Variants in VRTN observed in about 807,000 individuals in gnomAD.
VRTN encodes vertnin.
A neutral mutation model predicts 18.2 loss-of-function variants in VRTN; 5 were observed. The observed-to-expected ratio is 0.27, with a 90% confidence interval of 0.14 to 0.58. The LOEUF (loss-of-function observed/expected upper bound fraction) is 0.58, where lower values mean the gene tolerates loss of function less well. Ranked by LOEUF, VRTN falls within the 20% of genes least tolerant of loss-of-function variation. The probability of loss-of-function intolerance (pLI) is 0.91; values close to 1 mark genes in which losing one functional copy is unlikely to be tolerated. For missense variants in VRTN, 741 were observed against 939.4 expected, an observed-to-expected ratio of 0.79 and a Z score of 2.76; for synonymous variants, 381 against 393.7, an observed-to-expected ratio of 0.97 and a Z score of 0.38.
At chr14:74,331,545 TATATATA>T (rs1423373211) in intron 1 of VRTN, among the ~76,000 whole-genome samples, 3 of 7,568 alleles carry the variant, frequency 4.0e-4, no homozygotes, top group African/African-American at 1.4e-3. Context: ...AAAAAAATTT[TATATATA>T]TATATATATA....
At chr14:74,303,528 G>A (rs1469490749) in intron 1 of VRTN, among the ~76,000 whole-genome samples, 1 of 152,224 alleles carries the variant, frequency 6.6e-6, no homozygotes, top group African/African-American at 2.4e-5. Context: ...TCCAGCCTGG[G>A]CGACAAAGAG....
intron 1 of VRTN, among the ~76,000 whole-genome samples, chr14:74,316,803 A>AT (rs1555410426): frequency 2.0e-5 from 3 of 151,326 alleles, no homozygotes; most frequent in South Asian, 4.2e-4. Context: ...TGCCCGGCTA[A>AT]TTTTTTTGTA....
intron 2 of VRTN, among the ~76,000 whole-genome samples, chr14:74,340,238 T>G (rs559550227): frequency 1.7e-3 from 253 of 151,226 alleles, no homozygotes; most frequent in Middle Eastern, 6.9e-3. Context: ...TCAGCCTCCC[T>G]AGTAGCTGGG....
intron 1 of VRTN, among the ~76,000 whole-genome samples, chr14:74,352,325 C>T (rs992686289): frequency 5.9e-5 from 9 of 151,970 alleles, no homozygotes; most frequent in Middle Eastern, 3.4e-3. Flanking sequence ...ATAACAGGCA[C>T]CTGCCACTGC....
chr14:74,352,469 G>A (rs759938874), intron 1 of VRTN, among the ~76,000 whole-genome samples: 6 of 152,132 alleles, frequency 3.9e-5, no homozygotes, highest in East Asian at 1.9e-4. Flanking sequence ...GAGCCACTGC[G>A]CCCCAGCCCT....
chr14:74,321,883 C>T (rs1482024075), intron 1 of VRTN, among the ~76,000 whole-genome samples: 4 of 151,980 alleles, frequency 2.6e-5, no homozygotes, highest in Admixed American at 6.6e-5. Flanking sequence ...TCTTGTCCCA[C>T]AGGCTGCAGT....
intron 1 of VRTN, among the ~76,000 whole-genome samples, chr14:74,337,111 G>A (rs1398534119): frequency 6.6e-6 from 1 of 152,152 alleles, no homozygotes; most frequent in Admixed American, 6.6e-5. Flanking sequence ...TTAAGACTGA[G>A]GTGGGTGGAT....
intron 1 of VRTN, among the ~76,000 whole-genome samples, chr14:74,329,929 G>GTGGC (rs2085511286): frequency 6.6e-6 from 1 of 150,604 alleles, no homozygotes; most frequent in Non-Finnish European, 1.5e-5. Context: ...CTGGAGTGCG[G>GTGGC]TGGCACTATC....
At chr14:74,308,820 A>G (rs922989200) in intron 1 of VRTN, among the ~76,000 whole-genome samples, 2 of 151,700 alleles carry the variant, frequency 1.3e-5, no homozygotes, top group South Asian at 2.1e-4. Flanking sequence ...CCTGCTCTTC[A>G]AGGCTTCTTA....
intron 2 of VRTN, among the ~76,000 whole-genome samples, chr14:74,342,192 A>C (rs961939078): frequency 2.6e-5 from 4 of 151,622 alleles, no homozygotes; most frequent in African/African-American, 9.7e-5. Context: ...GGCTGCAATG[A>C]GCTGTGACTA....
intron 1 of VRTN, among the ~76,000 whole-genome samples, chr14:74,332,720 C>G (rs778333075): frequency 1.3e-5 from 2 of 152,028 alleles, no homozygotes; most frequent in Non-Finnish European, 2.9e-5. Context: ...GTCCCATCAA[C>G]TCTTTTTACC....
chr14:74,323,456 C>T (rs1256763286), intron 1 of VRTN, among the ~76,000 whole-genome samples: 3 of 151,742 alleles, frequency 2.0e-5, no homozygotes, highest in East Asian at 1.9e-4. Flanking sequence ...TGGTGGTGGG[C>T]GCCTGTAATC....
chr14:74,357,129 A>G lies in VRTN; in HGVS notation c.346A>G (p.Arg116Gly). 1 of 1,599,106 alleles carries G rather than the reference A, an allele frequency of 6.3e-7. No individual in the cohort carries two copies. The highest frequency in any genetic ancestry group is 8.5e-7 in the Non-Finnish European group (1 of 1,174,394). The change falls in exon 2 of 2, where the codon AGA (arginine) becomes GGA (glycine). Residue 116 changes from arginine to glycine, a missense_variant. Transcript: ENST00000256362. The surrounding 1 kb of genome is among the most constrained non-coding windows in gnomAD (Gnocchi z 7.8). ...ARTVVEMLLH[R>G]HYYLQGMIDS... Reference sequence around the variant, plus strand: ...CACCGTGGTAGAGATGCTGCTGCACAGACACTACTACCTCCAGGGCATGAT... The same window carrying G: ...CACCGTGGTAGAGATGCTGCTGCACGGACACTACTACCTCCAGGGCATGAT...
chr14:74,329,582 ATT>A (rs879853327), intron 1 of VRTN, among the ~76,000 whole-genome samples: 6 of 140,222 alleles, frequency 4.3e-5, no homozygotes, highest in Non-Finnish European at 3.1e-5. Context: ...CTGTGGAGGC[ATT>A]TTTTTTTTTT....
At chr14:74,337,543 C>T (rs2085573358) in intron 1 of VRTN, among the ~76,000 whole-genome samples, 1 of 152,064 alleles carries the variant, frequency 6.6e-6, no homozygotes. Context: ...GCCTTGTGGT[C>T]TTGTTTCCCC....
intron 1 of VRTN, among the ~76,000 whole-genome samples, chr14:74,303,590 T>C (rs2085183244): frequency 6.6e-6 from 1 of 152,038 alleles, no homozygotes; most frequent in Admixed American, 6.6e-5. Flanking sequence ...ATAGATAAGA[T>C]AGATAGTTGA....
intron 1 of VRTN, among the ~76,000 whole-genome samples, chr14:74,319,563 G>C (rs2085439517): frequency 6.6e-6 from 1 of 151,862 alleles, no homozygotes. Context: ...TGGGAGTTAT[G>C]GGGAAAGAAC....
chr14:74,343,125 T>C (rs1385177970), intron 2 of VRTN, among the ~76,000 whole-genome samples: 1 of 152,162 alleles, frequency 6.6e-6, no homozygotes, highest in African/African-American at 2.4e-5. Context: ...GGAAAGTAAA[T>C]TGATACAACT....
At position 74,358,550 on chromosome 14, in the gene VRTN, C is replaced by T; in HGVS notation, c.1767C>T (p.Ala589=). Residue 589 remains alanine, a synonymous_variant, in exon 2 of 2, where the codon GCC becomes GCT. Coordinates refer to ENST00000256362, the MANE Select transcript of VRTN (RefSeq NM_018228.3). The surrounding 1 kb of genome is among the most constrained non-coding windows in gnomAD (Gnocchi z 5.4). ...EAGRDVTAVM[A]PPVGASSEDV... The stretch of plus-strand genomic sequence containing the variant: ...GCAGGGATGTGACAGCTGTGATGGC[C>T]CCACCTGTGGGGGCTTCTTCAGAAG... 3 of 1,611,148 alleles carry T rather than the reference C, an allele frequency of 1.9e-6. No individual in the cohort carries two copies. The highest frequency in any genetic ancestry group is 1.7e-5 in the Admixed American group (1 of 59,694).
Sources: allele counts gnomAD v4.1 joint callset (sites outside exome capture counted in the v4.1 genomes callset), GRCh38; gene constraint gnomAD v4.1.1; non-coding constraint Gnocchi (gnomAD v3.1); transcripts MANE v1.5; gene names NCBI Gene and HGNC (gene_info 2026-07-23, HGNC 2026-07-21).